Variants in DLG2 observed in about 807,000 individuals in gnomAD.
The protein encoded by DLG2 is disks large homolog 2.
A neutral mutation model predicts 132.5 loss-of-function variants in DLG2; 45 were observed. The ratio of observed to expected loss-of-function variants is 0.34; its 90% CI spans 0.27 to 0.44. DLG2 has a LOEUF of 0.44. Among genes scored for constraint, DLG2 ranks in the 20% least tolerant of loss-of-function variants. The pLI is 1.00. For missense variants in DLG2, 1,045 were observed against 1,196.9 expected (o/e 0.87, Z 1.87); for synonymous variants, 424 against 419.6 (o/e 1.01, Z -0.13).
chr11:84,233,492 C>T (rs187103662), intron 8 of DLG2, among the ~76,000 whole-genome samples: 123 of 152,304 alleles, frequency 8.1e-4, no homozygotes, highest in Non-Finnish European at 1.3e-3. Flanking sequence ...GCATGTCCAA[C>T]ATGGATGCTC....
At chr11:85,018,787 CT>C (rs1377386873) in intron 6 of DLG2, among the ~76,000 whole-genome samples, 1 of 143,880 alleles carries the variant, frequency 7.0e-6, no homozygotes, top group Admixed American at 7.0e-5. Flanking sequence ...GAAAACATGC[CT>C]TCTTTTTTTT....
At chr11:83,808,640 T>C (rs2046510391) in intron 17 of DLG2, among the ~76,000 whole-genome samples, 2 of 152,204 alleles carry the variant, frequency 1.3e-5, no homozygotes, top group Non-Finnish European at 2.9e-5. Flanking sequence ...TCTGCATTCT[T>C]TAAATCATCA....
chr11:84,862,298 A>C lies in DLG2; in HGVS notation c.357+249363T>G, dbSNP rs189153333. Among the ~76,000 whole-genome samples, 329 of 152,314 alleles carry C rather than the reference A, an allele frequency of 2.2e-3. 1 individual carries two copies. The highest frequency in any genetic ancestry group is 7.6e-3 in the African/African-American group (316 of 41,566). ...CCACCTCATGCCAGTTAGAATGGTGATCATTATAAAGTCAGGAAACAACAG... is the reference window on the plus strand; with the variant it reads ...CCACCTCATGCCAGTTAGAATGGTGCTCATTATAAAGTCAGGAAACAACAG... On this transcript the variant is annotated intron_variant, in intron 6 of 27. Coordinates refer to ENST00000376104, the MANE Select transcript of DLG2 (RefSeq NM_001142699.3).
At chr11:84,473,771 TA>T (rs1291447745) in intron 7 of DLG2, among the ~76,000 whole-genome samples, 2 of 151,974 alleles carry the variant, frequency 1.3e-5, no homozygotes, top group Non-Finnish European at 2.9e-5. Flanking sequence ...TAAGTCAGAG[TA>T]AAAGAAGGAA....
intron 6 of DLG2, among the ~76,000 whole-genome samples, chr11:85,001,098 AGAACTTTTT>A: frequency 6.6e-6 from 1 of 152,020 alleles, no homozygotes; most frequent in South Asian, 2.1e-4. Flanking sequence ...AGTTATAGAA[AGAACTTTTT>A]TTTTGAGACA....
chr11:84,711,033 G>GATATATAT (rs1232588482), intron 6 of DLG2, among the ~76,000 whole-genome samples: 1 of 65,830 alleles, frequency 1.5e-5, no homozygotes. Flanking sequence ...TATATATATA[G>GATATATAT]AGCTGAAAAA....
intron 15 of DLG2, among the ~76,000 whole-genome samples, chr11:83,895,190 T>C (rs889484696): frequency 6.8e-6 from 1 of 147,384 alleles, no homozygotes; most frequent in Non-Finnish European, 1.5e-5. Context: ...CTGCTCTTGT[T>C]GCCCAGGTTG....
intron 7 of DLG2, among the ~76,000 whole-genome samples, chr11:84,472,158 T>A (rs1021054011): frequency 2.0e-5 from 3 of 151,886 alleles, no homozygotes; most frequent in African/African-American, 7.2e-5. Context: ...CGTATTGCTA[T>A]CTTATGGCTA....
At chr11:83,971,620 A>G (rs1410489849) in intron 12 of DLG2, among the ~76,000 whole-genome samples, 1 of 152,154 alleles carries the variant, frequency 6.6e-6, no homozygotes, top group Non-Finnish European at 1.5e-5. Context: ...GGAGGTGATT[A>G]CAGACATTAA....
chr11:84,491,936 T>C (rs1243317461), intron 7 of DLG2, among the ~76,000 whole-genome samples: 15 of 152,258 alleles, frequency 9.9e-5, no homozygotes, highest in Non-Finnish European at 4.4e-5. Context: ...TTATCTCCTA[T>C]AAAAGGAAAG....
intron 5 of DLG2, among the ~76,000 whole-genome samples, chr11:85,128,268 T>C (rs2075355337): frequency 6.6e-6 from 1 of 152,142 alleles, no homozygotes; most frequent in African/African-American, 2.4e-5. Flanking sequence ...ATATCTGAAA[T>C]TATGCCAATG....
At chr11:84,819,219 C>G (rs900990500) in intron 6 of DLG2, among the ~76,000 whole-genome samples, 2 of 151,768 alleles carry the variant, frequency 1.3e-5, no homozygotes, top group Admixed American at 1.3e-4. Flanking sequence ...GGTATTTAAA[C>G]CTATATCTAC....
chr11:84,170,553 G>A (rs765508011), intron 8 of DLG2, among the ~76,000 whole-genome samples: 5 of 152,162 alleles, frequency 3.3e-5, no homozygotes, highest in East Asian at 1.9e-4. Flanking sequence ...TGATTCCACC[G>A]GCAGTGAGTC....
intron 4 of DLG2, among the ~76,000 whole-genome samples, chr11:85,235,817 G>A (rs996897097): frequency 3.3e-5 from 5 of 151,826 alleles, no homozygotes; most frequent in Non-Finnish European, 5.9e-5. Context: ...TGCCAGAATA[G>A]ATCATATAGA....
chr11:83,580,000 A>T lies in DLG2; in HGVS notation c.1941-38142T>A, dbSNP rs2096942663. On this transcript the variant is annotated intron_variant, in intron 19 of 27. Coordinates refer to ENST00000376104, the MANE Select transcript of DLG2 (RefSeq NM_001142699.3). ...AAATAAATAAATAAATAAATAATAAATAATAAATTTGGTCAGTATGTGACA... is the reference window on the plus strand; with the variant it reads ...AAATAAATAAATAAATAAATAATAATTAATAAATTTGGTCAGTATGTGACA... Among the ~76,000 whole-genome samples, 3 of 151,906 alleles carry T rather than the reference A, an allele frequency of 2.0e-5. No homozygotes were observed. In the South Asian group the frequency reaches 6.2e-4, roughly 32 times the overall value.
intron 16 of DLG2, among the ~76,000 whole-genome samples, chr11:83,870,463 A>G (rs1222680800): frequency 6.6e-6 from 1 of 152,180 alleles, no homozygotes; most frequent in African/African-American, 2.4e-5. Context: ...ATGGCTGAAT[A>G]GTATTCCATT....
At chr11:85,056,242 G>C (rs1044910222) in intron 6 of DLG2, among the ~76,000 whole-genome samples, 11 of 151,994 alleles carry the variant, frequency 7.2e-5, no homozygotes, top group African/African-American at 1.9e-4. Flanking sequence ...TTTCTGTATA[G>C]ATGTTATCCT....
intron 19 of DLG2, among the ~76,000 whole-genome samples, chr11:83,575,165 C>G (rs1310009199): frequency 1.3e-5 from 2 of 152,174 alleles, no homozygotes; most frequent in South Asian, 2.1e-4. Context: ...GAGAAATCAG[C>G]TTTAACCTCC....
At position 83,456,022 on chromosome 11, in the gene DLG2, GC is replaced by G. The variant is rs1370848786; in HGVS notation, c.*3795del. 2.6e-5 allele frequency: 4 copies of G among 152,620 alleles called. No homozygotes were observed. The highest frequency in any genetic ancestry group is 7.2e-5 in the African/African-American group (3 of 41,426). The allele number at this position is 152,620 out of a possible 1,614,324, so 9.5% of individuals were successfully genotyped here. ...AATCACCAGCTGAAAAGCAGAGGGG[GC>G]TTCACATAAAAATGGGAAAAAGAAA... On this transcript the variant is annotated 3_prime_UTR_variant, in exon 28 of 28. Coordinates refer to ENST00000376104, the MANE Select transcript of DLG2 (RefSeq NM_001142699.3).
Sources: gnomAD v4.1 joint callset for allele counts (sites outside exome capture counted in the v4.1 genomes callset) on GRCh38, gnomAD v4.1.1 for gene constraint, MANE v1.5 for transcripts, NCBI Gene and HGNC (gene_info 2026-07-23, HGNC 2026-07-21) for gene names.